The following PCGF5 variants were observed in gnomAD, a reference collection of about 807,000 sequenced individuals.
PCGF5 encodes polycomb group ring finger 5.
Under a neutral mutation model 44.3 loss-of-function variants are expected in PCGF5, and 9 were observed. The observed-to-expected ratio is 0.20, with a 90% CI of 0.12 to 0.35. The LOEUF is 0.35. Among genes scored for constraint, PCGF5 ranks in the 10% least tolerant of loss-of-function variants. The pLI, the probability that PCGF5 is intolerant of heterozygous loss-of-function variation, is 1.00. For synonymous variants in PCGF5, 95 were observed against 102.5 expected (o/e 0.93, Z 0.44); for missense variants, 146 against 305.3 (o/e 0.48, Z 3.89).
chr10:91,227,424 A>T (rs996968804), intron 2 of PCGF5: 1 of 1,289,406 alleles, frequency 7.8e-7, no homozygotes, highest in Non-Finnish European at 1.0e-6. Context: ...GGATGCCAGC[A>T]CTCAGTTATC....
At chr10:91,251,204 A>G in intron 5 of PCGF5, 88 bp from the exon 6 acceptor site, 1 of 1,075,358 alleles carries the variant, frequency 9.3e-7, no homozygotes, top group Non-Finnish European at 1.3e-6. Context: ...TTTAAAGTTG[A>G]TTTTTGTTTT....
intron 8 of PCGF5, among the ~76,000 whole-genome samples, chr10:91,267,139 C>T (rs982445502): frequency 6.6e-6 from 1 of 152,166 alleles, no homozygotes; most frequent in Non-Finnish European, 1.5e-5. Context: ...AGCACTCCAG[C>T]CACACTGGCC....
intron 8 of PCGF5, among the ~76,000 whole-genome samples, chr10:91,264,949 C>G (rs971747485): frequency 6.6e-6 from 1 of 152,090 alleles, no homozygotes; most frequent in Non-Finnish European, 1.5e-5. Flanking sequence ...AAATAATCTT[C>G]TTTCAGGTAC....
intron 2 of PCGF5, among the ~76,000 whole-genome samples, chr10:91,224,495 A>AT (rs11392243): frequency 0.13 from 19,353 of 152,180 alleles, 2,276 homozygotes; most frequent in African/African-American, 0.31. Flanking sequence ...AGGAAAACTA[A>AT]TTTTAAAAAT....
At chr10:91,210,158 C>G (rs1844422116) in intron 1 of PCGF5, among the ~76,000 whole-genome samples, 2 of 152,162 alleles carry the variant, frequency 1.3e-5, no homozygotes, top group South Asian at 4.1e-4. Flanking sequence ...GGGATGGGCC[C>G]CCACCTGTCT....
intron 3 of PCGF5, among the ~76,000 whole-genome samples, chr10:91,242,640 A>G (rs1428398087): frequency 1.3e-5 from 2 of 152,134 alleles, no homozygotes; most frequent in Non-Finnish European, 2.9e-5. Flanking sequence ...GAATCCCCCA[A>G]ATAAAAGTAG....
At chr10:91,217,848 G>A (rs1159424494), upstream of PCGF5, among the ~76,000 whole-genome samples, 2 of 152,104 alleles carry the variant, frequency 1.3e-5, no homozygotes, top group Admixed American at 6.5e-5. Flanking sequence ...GTGCAATGGC[G>A]CGATCTTGGC....
chr10:91,176,261 A>G (rs1451376215), intron 1 of PCGF5, among the ~76,000 whole-genome samples: 2 of 152,156 alleles, frequency 1.3e-5, no homozygotes, highest in East Asian at 1.9e-4. Flanking sequence ...TGGCTTGTAG[A>G]GTTTCTGCCG....
intron 9 of PCGF5, 98 bp from the exon 10 acceptor site, chr10:91,278,171 T>C: frequency 9.8e-7 from 1 of 1,019,180 alleles, no homozygotes; most frequent in Non-Finnish European, 1.5e-6. Flanking sequence ...CAGGAAATAC[T>C]GTAAATTATA....
Position 91,224,988 on chromosome 10 carries a change from A to C in PCGF5, c.112+2005A>C, listed in dbSNP as rs551663787. On this transcript the variant is annotated intron_variant, in intron 2 of 9. Coordinates refer to ENST00000336126, the MANE Select transcript of PCGF5 (RefSeq NM_032373.5). ...TTCATTGTTTTTAATTTTTGGATTC[A>C]TCCAGCAAAAACTGTCAACTCTGGA... is the stretch of plus-strand genomic sequence containing the variant. 5.3e-5 allele frequency among the ~76,000 whole-genome samples: 8 copies of C among 152,154 alleles called. No individual in the cohort carries two copies. In the South Asian group the frequency reaches 1.7e-3, roughly 31 times the overall value.
chr10:91,176,379 A>G (rs569005444), intron 1 of PCGF5, among the ~76,000 whole-genome samples: 2 of 152,198 alleles, frequency 1.3e-5, no homozygotes, highest in East Asian at 3.9e-4. Flanking sequence ...GAATCTGACA[A>G]TTATGTGTCT....
chr10:91,162,710 C>T (rs140873142), upstream of PCGF5, among the ~76,000 whole-genome samples: 5,551 of 150,800 alleles, frequency 0.037, 361 homozygotes, highest in African/African-American at 0.13. Flanking sequence ...CCGGGAGCTG[C>T]GCGGCGGCGG....
intron 1 of PCGF5, among the ~76,000 whole-genome samples, chr10:91,183,803 A>G (rs895460511): frequency 1.3e-5 from 2 of 151,780 alleles, no homozygotes; most frequent in African/African-American, 2.4e-5. Context: ...GAAAGAATCT[A>G]TTTCTCCTTT....
intron 1 of PCGF5, among the ~76,000 whole-genome samples, chr10:91,205,435 T>C (rs1844329660): frequency 6.6e-6 from 1 of 152,182 alleles, no homozygotes; most frequent in African/African-American, 2.4e-5. Flanking sequence ...GTATTTTAAG[T>C]GACAAGGGTA....
chr10:91,247,009 AGATAGATAGAT>A (rs1174876647), intron 3 of PCGF5, among the ~76,000 whole-genome samples: 4 of 146,562 alleles, frequency 2.7e-5, no homozygotes, highest in Non-Finnish European at 6.1e-5. Flanking sequence ...ATAGATAGAT[AGATAGATAGAT>A]AATCTGCCTA....
At chr10:91,235,923 G>A (rs748283681) in intron 2 of PCGF5, among the ~76,000 whole-genome samples, 4 of 151,780 alleles carry the variant, frequency 2.6e-5, no homozygotes, top group Non-Finnish European at 4.4e-5. Context: ...TATCAGCAGC[G>A]TGAAAACAGA....
intron 9 of PCGF5, among the ~76,000 whole-genome samples, chr10:91,277,396 A>G (rs1184072271): frequency 6.6e-6 from 1 of 152,208 alleles, no homozygotes; most frequent in East Asian, 1.9e-4. Context: ...TAGCTCCTCA[A>G]ATTTCATTTT....
chr10:91,225,445 A>G (rs1844805299), intron 2 of PCGF5, among the ~76,000 whole-genome samples: 1 of 151,644 alleles, frequency 6.6e-6, no homozygotes, highest in African/African-American at 2.4e-5. Flanking sequence ...GAGAATGAAC[A>G]TTGTAGAAAT....
rs1846395873 is a variant in PCGF5, at chr10:91,279,450, A to G, written c.*1134A>G. 1 of 152,156 alleles carries G rather than the reference A, an allele frequency of 6.6e-6. No individual in the cohort carries two copies. The highest frequency in any genetic ancestry group is 1.5e-5 in the Non-Finnish European group (1 of 67,996). The allele number at this position is 152,156 out of a possible 1,614,324, so 9.4% of individuals were successfully genotyped here. A position where few individuals can be genotyped will look rare whatever the true frequency, so the allele number is the denominator to read the frequency against. On this transcript the variant is annotated 3_prime_UTR_variant, in exon 10 of 10. Transcript: ENST00000336126. ...AAGGGTATTTTATTTTAAATCCTGT[A>G]GTAATTGGGGAAATGAGAAGATTAT...
Sources: gnomAD v4.1 joint callset for allele counts (sites outside exome capture counted in the v4.1 genomes callset) on GRCh38, gnomAD v4.1.1 for gene constraint, MANE v1.5 for transcripts, NCBI Gene and HGNC (gene_info 2026-07-23, HGNC 2026-07-21) for gene names.